The following GPC5 variants were observed in gnomAD, a reference collection of about 807,000 sequenced individuals.
GPC5 encodes glypican-5.
In GPC5, 47 loss-of-function variants were observed where a neutral mutation model predicts 53.9. The ratio of observed to expected loss-of-function variants is 0.87; its 90% confidence interval spans 0.69 to 1.11. GPC5 has a LOEUF of 1.11. Ranked by LOEUF, GPC5 falls within the 50% of genes most tolerant of loss-of-function variation. The pLI is 0.00. For synonymous variants in GPC5, 286 were observed against 263.3 expected (o/e 1.09, Z -0.84); for missense variants, 748 against 713.1 (o/e 1.05, Z -0.56).
intron 2 of GPC5, among the ~76,000 whole-genome samples, chr13:91,520,179 T>C (rs1423334325): frequency 1.3e-5 from 2 of 152,116 alleles, no homozygotes; most frequent in East Asian, 3.9e-4. Context: ...TGGGGTGAAA[T>C]ATAAATTGAT....
At chr13:92,353,566 G>C (rs1292667945) in intron 7 of GPC5, among the ~76,000 whole-genome samples, 17 of 152,102 alleles carry the variant, frequency 1.1e-4, no homozygotes, top group Admixed American at 1.1e-3. Flanking sequence ...CTTTTGGTTT[G>C]TTTTAACTTT....
At chr13:92,139,792 TC>T (rs1219556745) in intron 6 of GPC5, among the ~76,000 whole-genome samples, 1 of 151,624 alleles carries the variant, frequency 6.6e-6, no homozygotes, top group East Asian at 1.9e-4. Context: ...AACATCAGGG[TC>T]TTTGATGATT....
rs1190084883 is a variant in GPC5 at position 92,064,862 on chromosome 13, T to C, written c.1402-79968T>C. Among the ~76,000 whole-genome samples, 5 of 151,918 alleles carry C rather than the reference T, an allele frequency of 3.3e-5. No homozygotes were observed. The South Asian group carries it at 6.2e-4, about 19-fold the overall frequency. On this transcript the variant is annotated intron_variant, in intron 6 of 7. Coordinates refer to ENST00000377067, the MANE Select transcript of GPC5 (RefSeq NM_004466.6). ...GATAGAACATATCAGGTAGAGAAGA[T>C]ACCTAGAGGAGTGTTTCTTCAAATA...
intron 7 of GPC5, among the ~76,000 whole-genome samples, chr13:92,214,369 A>G (rs933004141): frequency 2.0e-5 from 3 of 152,186 alleles, no homozygotes; most frequent in Non-Finnish European, 4.4e-5. Context: ...TCATCTTTAT[A>G]AACATTATTG....
chr13:92,304,680 T>C (rs867011640), intron 7 of GPC5, among the ~76,000 whole-genome samples: 1 of 151,882 alleles, frequency 6.6e-6, no homozygotes, highest in Non-Finnish European at 1.5e-5. Context: ...AATATGTAAG[T>C]TAAATATTTC....
At chr13:91,994,760 C>A (rs1446302383) in intron 6 of GPC5, 1 of 152,080 alleles carries the variant, frequency 6.6e-6, no homozygotes, top group Non-Finnish European at 1.5e-5. Flanking sequence ...TTGTTACAAT[C>A]TGTTATAGAA....
intron 2 of GPC5, among the ~76,000 whole-genome samples, chr13:91,630,264 G>T (rs1215744476): frequency 6.6e-6 from 1 of 152,102 alleles, no homozygotes; most frequent in African/African-American, 2.4e-5. Context: ...GTAAAGGGCA[G>T]CCTCTGAAGG....
chr13:92,852,247 G>A (rs763068995), intron 7 of GPC5, among the ~76,000 whole-genome samples: 6 of 152,130 alleles, frequency 3.9e-5, no homozygotes, highest in Admixed American at 6.6e-5. Context: ...GTATTTACAC[G>A]ACTCTGGTTT....
At chr13:92,150,967 A>T (rs887309747) in intron 7 of GPC5, among the ~76,000 whole-genome samples, 1 of 152,054 alleles carries the variant, frequency 6.6e-6, no homozygotes. Context: ...ATAGCTATCA[A>T]CAAAACCAGA....
At chr13:91,758,871 C>T (rs2037351108) in intron 5 of GPC5, among the ~76,000 whole-genome samples, 1 of 152,116 alleles carries the variant, frequency 6.6e-6, no homozygotes, top group Non-Finnish European at 1.5e-5. Context: ...ACCTCATCAC[C>T]TTAATGGACA....
intron 7 of GPC5, among the ~76,000 whole-genome samples, chr13:92,856,815 A>G (rs1757282939): frequency 6.6e-6 from 1 of 152,072 alleles, no homozygotes; most frequent in African/African-American, 2.4e-5. Flanking sequence ...CAAAACACTT[A>G]TGAAAGAAAT....
At chr13:92,715,812 G>C (rs1204062501) in intron 7 of GPC5, among the ~76,000 whole-genome samples, 5 of 152,150 alleles carry the variant, frequency 3.3e-5, no homozygotes, top group African/African-American at 1.2e-4. Context: ...CACGGTGATG[G>C]ACAAGGGCTC....
At chr13:92,557,362 T>G (rs1383729322) in intron 7 of GPC5, among the ~76,000 whole-genome samples, 1 of 151,958 alleles carries the variant, frequency 6.6e-6, no homozygotes, top group Non-Finnish European at 1.5e-5. Context: ...GGAGGAGCAC[T>G]GGTAAGCCTT....
intron 1 of GPC5, among the ~76,000 whole-genome samples, chr13:91,415,055 C>A (rs1878089983): frequency 6.6e-6 from 1 of 152,182 alleles, no homozygotes; most frequent in African/African-American, 2.4e-5. Flanking sequence ...TCCACTGTTT[C>A]CTACCTTGCC....
At position 92,567,285 on chromosome 13, in the gene GPC5, C is replaced by T. The variant is rs150348051; in HGVS notation, c.1562-298997C>T. 9.9e-5 allele frequency among the ~76,000 whole-genome samples: 15 copies of T among 152,232 alleles called. No homozygotes were observed. In the East Asian group the frequency reaches 1.4e-3, roughly 14 times the overall value. On this transcript the variant is annotated intron_variant, in intron 7 of 7. Transcript: ENST00000377067. ...CCATCATCTTTACCCTGTTCTTCAG[C>T]ATTTGTAGGCAAAGGGGAATTTATC...
intron 7 of GPC5, among the ~76,000 whole-genome samples, chr13:92,275,213 C>T (rs1214772420): frequency 6.6e-6 from 1 of 151,960 alleles, no homozygotes; most frequent in Non-Finnish European, 1.5e-5. Flanking sequence ...TTCATTAAAA[C>T]CCTACTTTAC....
At chr13:92,576,285 A>T (rs2139047116) in intron 7 of GPC5, among the ~76,000 whole-genome samples, 1 of 152,334 alleles carries the variant, frequency 6.6e-6, no homozygotes, top group South Asian at 2.1e-4. Flanking sequence ...GTGAGGAATT[A>T]GATATGTAAA....
At chr13:91,994,314 C>A (rs971652783) in intron 6 of GPC5, among the ~76,000 whole-genome samples, 1 of 152,172 alleles carries the variant, frequency 6.6e-6, no homozygotes, top group Non-Finnish European at 1.5e-5. Context: ...CATAATTGTG[C>A]CTGACACGTT....
intron 5 of GPC5, among the ~76,000 whole-genome samples, chr13:91,800,413 G>A (rs1219005408): frequency 1.3e-5 from 2 of 151,940 alleles, no homozygotes; most frequent in African/African-American, 4.8e-5. Flanking sequence ...GAAAGGTCAG[G>A]AGTCTAAAAT....
Sources: gnomAD v4.1 joint callset for allele counts (sites outside exome capture counted in the v4.1 genomes callset) on GRCh38, gnomAD v4.1.1 for gene constraint, MANE v1.5 for transcripts, NCBI Gene and HGNC (gene_info 2026-07-23, HGNC 2026-07-21) for gene names.